VIT: variants seen among roughly 807,000 people sequenced by gnomAD.
VIT encodes vitrin.
VIT carries 99 observed loss-of-function variants against 78.0 expected under a neutral mutation model. The ratio of observed to expected loss-of-function variants is 1.27; its 90% CI spans 1.08 to 1.50. VIT has a LOEUF of 1.50. VIT is among the 40% of genes most tolerant of loss of function. The pLI is 0.00. For synonymous variants in VIT, 374 were observed against 334.3 expected, an observed-to-expected ratio of 1.12 and a Z score of -1.29; for missense variants, 1,126 against 875.3, an observed-to-expected ratio of 1.29 and a Z score of -3.61.
intron 4 of VIT, among the ~76,000 whole-genome samples, chr2:36,752,462 C>T (rs1468287983): frequency 6.6e-6 from 1 of 152,192 alleles, no homozygotes; most frequent in Non-Finnish European, 1.5e-5. Flanking sequence ...ACATCAAGGC[C>T]ATGCTCAGCA....
chr2:36,813,526 G>T (rs1331612766), intron 15 of VIT, among the ~76,000 whole-genome samples: 1 of 152,012 alleles, frequency 6.6e-6, no homozygotes, highest in African/African-American at 2.4e-5. Flanking sequence ...CAACAGTGTT[G>T]GACACCCCTT....
chr2:36,771,910 C>A (rs191525958), intron 7 of VIT, among the ~76,000 whole-genome samples: 2 of 152,308 alleles, frequency 1.3e-5, no homozygotes, highest in South Asian at 2.1e-4. Flanking sequence ...TACAAAACAG[C>A]ATGGGAACCA....
At chr2:36,746,191 T>C (rs1312606527) in intron 4 of VIT, among the ~76,000 whole-genome samples, 1 of 152,218 alleles carries the variant, frequency 6.6e-6, no homozygotes, top group African/African-American at 2.4e-5. Flanking sequence ...TTTGATGTGC[T>C]GCTGGATTTG....
In VIT at chr2:36,808,701, T is replaced by C. The variant is rs145779710; in HGVS notation, c.1619T>C (p.Phe540Ser). ...LQFVTNLTKEFEISDTDTRIG... is the reference protein window; with the variant it reads ...LQFVTNLTKESEISDTDTRIG... ...TTTGTGACCAACCTCACCAAAGAGT[T>C]TGAGATTTCCGACACGGACACGCGC... Residue 540 changes from phenylalanine to serine, a missense_variant, in exon 15 of 16, where the codon TTT (phenylalanine) becomes TCT (serine). Phe to Ser is a radical substitution (Grantham distance 155, BLOSUM62 -2). Transcript: ENST00000379242. The C allele has an allele frequency of 8.7e-6, 14 of 1,614,072 alleles. No individual in the cohort carries two copies. The South Asian group carries it at 1.2e-4, about 14-fold the overall frequency.
chr2:36,794,870 T>C (rs1665756407), intron 12 of VIT, among the ~76,000 whole-genome samples: 1 of 152,126 alleles, frequency 6.6e-6, no homozygotes, highest in Admixed American at 6.5e-5. Context: ...GTTAAAAAAA[T>C]TAGAAGCACC....
chr2:36,743,297 G>A (rs758837161), intron 4 of VIT, 41 bp downstream of exon 4: 1 of 1,520,388 alleles, frequency 6.6e-7, no homozygotes, highest in African/African-American at 1.4e-5. Context: ...CTAGAAATCA[G>A]GGTGTTGGCA....
Position 36,720,572 on chromosome 2 carries a change from C to A in VIT, c.52+4150C>A, listed in dbSNP as rs113853766. ...GGATGTTATACTAAGTGAAATAAAC[C>A]AGGCACAGAAAGACAAATACTGTAT... On this transcript the variant is annotated intron_variant, in intron 2 of 15. Coordinates refer to ENST00000379242, the MANE Select transcript of VIT (RefSeq NM_053276.4). Among the ~76,000 whole-genome samples, 483 of 152,178 alleles carry A rather than the reference C, an allele frequency of 3.2e-3. 3 individuals are homozygous for A. The highest frequency in any genetic ancestry group is 0.011 in the African/African-American group (464 of 41,518).
intron 12 of VIT, among the ~76,000 whole-genome samples, chr2:36,795,384 A>T (rs149363513): frequency 6.1e-5 from 9 of 148,180 alleles, no homozygotes; most frequent in Non-Finnish European, 7.4e-5. Context: ...ATTTTATTTT[A>T]TATTTTATTT....
intron 4 of VIT, among the ~76,000 whole-genome samples, chr2:36,743,693 A>C (rs1667971402): frequency 6.6e-6 from 1 of 152,246 alleles, no homozygotes; most frequent in Non-Finnish European, 1.5e-5. Flanking sequence ...GATTTTAAGC[A>C]ACTGTCTCCA....
At chr2:36,769,299 T>C (rs1669614066) in intron 7 of VIT, among the ~76,000 whole-genome samples, 1 of 152,258 alleles carries the variant, frequency 6.6e-6, no homozygotes, top group African/African-American at 2.4e-5. Context: ...TTGGCTACGC[T>C]GGGAGCTTGG....
At chr2:36,748,065 G>T (rs969741622) in intron 4 of VIT, among the ~76,000 whole-genome samples, 3 of 152,158 alleles carry the variant, frequency 2.0e-5, no homozygotes, top group Non-Finnish European at 2.9e-5. Flanking sequence ...ATCTCTTCTG[G>T]CTTGTAAACT....
Position 36,808,957 on chromosome 2 carries a change from G to T in VIT, c.1875G>T (p.Arg625=), listed in dbSNP as rs1352601782. 3.1e-6 allele frequency: 5 copies of T among 1,598,880 alleles called. No homozygotes were observed. Among genetic ancestry groups the T allele is most frequent in the Non-Finnish European group, 3.4e-6 (4 of 1,170,212 alleles). ...ACGGGAGGTCCTACGACGACGTCCG[G>T]ATCCCAGCCATGGCTGCCCATCTGA... is the stretch of plus-strand genomic sequence containing the variant. The part of the protein sequence containing the change: ...ITDGRSYDDV[R]IPAMAAHLKG... Residue 625 remains arginine (R), a synonymous_variant, in exon 15 of 16, where the codon CGG becomes CGT. Coordinates refer to ENST00000379242, the MANE Select transcript of VIT (RefSeq NM_053276.4).
chr2:36,744,143 CT>C (rs984721981), intron 4 of VIT, among the ~76,000 whole-genome samples: 4 of 152,256 alleles, frequency 2.6e-5, no homozygotes, highest in African/African-American at 4.8e-5. Context: ...AAAATTTGCT[CT>C]TTTTTATGGC....
At chr2:36,795,570 G>T (rs916256598) in intron 12 of VIT, among the ~76,000 whole-genome samples, 1 of 151,564 alleles carries the variant, frequency 6.6e-6, no homozygotes, top group African/African-American at 2.4e-5. Context: ...ATGCCACCAC[G>T]CCCGGCTAAT....
rs149202841 is a variant in VIT at position 36,783,762 on chromosome 2, A to G, written c.910+360A>G. ...GAGTTGGAAGTGGAAATGAAGATAA[A>G]TGGGCATATTCAAGAGATACAGAGA... is the stretch of plus-strand genomic sequence containing the variant. On this transcript the variant is annotated intron_variant, in intron 11 of 15. Transcript: ENST00000379242. Among the ~76,000 whole-genome samples, 17 of 152,296 alleles carry G rather than the reference A, an allele frequency of 1.1e-4. No individual in the cohort carries two copies. In the East Asian group the frequency reaches 3.3e-3, roughly 29 times the overall value.
At chr2:36,712,172 A>G (rs1481302700) in intron 1 of VIT, among the ~76,000 whole-genome samples, 2 of 152,158 alleles carry the variant, frequency 1.3e-5, no homozygotes, top group African/African-American at 4.8e-5. Flanking sequence ...CACATTTCAA[A>G]AGGCACATTT....
Position 36,781,724 on chromosome 2 carries a change from C to T in VIT, c.803-3C>T, listed in dbSNP as rs763308592. 97 of 1,613,904 alleles carry T rather than the reference C, an allele frequency of 6.0e-5. No individual in the cohort carries two copies. The highest frequency in any genetic ancestry group is 7.8e-5 in the Non-Finnish European group (92 of 1,179,956). On this transcript the variant is annotated splice_region_variant and splice_polypyrimidine_tract_variant and intron_variant, in intron 9 of 15. Transcript: ENST00000379242. ...TTTGTTTCTTTTCAATTTTGAAAAT[C>T]AGGAGAGATGGACTCATGGAAACCT...
chr2:36,730,016 C>G (rs1213868413), intron 3 of VIT, among the ~76,000 whole-genome samples: 1 of 152,122 alleles, frequency 6.6e-6, no homozygotes, highest in African/African-American at 2.4e-5. Context: ...TGGAATAAGG[C>G]CAGCGACGGT....
At chr2:36,703,425 G>A (rs1466453993) in intron 1 of VIT, among the ~76,000 whole-genome samples, 2 of 151,858 alleles carry the variant, frequency 1.3e-5, no homozygotes, top group East Asian at 1.9e-4. Context: ...GAAGTGGTTG[G>A]CACCTATTGT....
Sources: allele counts gnomAD v4.1 joint callset (sites outside exome capture counted in the v4.1 genomes callset), GRCh38; gene constraint gnomAD v4.1.1; transcripts MANE v1.5; gene names NCBI Gene and HGNC (gene_info 2026-07-23, HGNC 2026-07-21).